NRXN1: variants seen among roughly 807,000 people sequenced by gnomAD.
NRXN1 encodes neurexin 1.
In NRXN1, 39 loss-of-function variants were observed where a neutral mutation model predicts 150.9. The observed-to-expected ratio is 0.26, with a 90% CI of 0.20 to 0.34. The LOEUF is 0.34. Among genes scored for constraint, NRXN1 ranks in the 10% least tolerant of loss-of-function variants. NRXN1 has a pLI of 1.00. For synonymous variants in NRXN1, 924 were observed against 757.0 expected, an observed-to-expected ratio of 1.22 and a Z score of -3.62; for missense variants, 1,815 against 1,949.9, an observed-to-expected ratio of 0.93 and a Z score of 1.30.
chr2:50,305,985 T>C (rs1033284790), intron 17 of NRXN1, among the ~76,000 whole-genome samples: 14 of 152,188 alleles, frequency 9.2e-5, no homozygotes, highest in African/African-American at 3.4e-4. Flanking sequence ...TGCCTCCTGG[T>C]TTTGTTAATT....
intron 5 of NRXN1, among the ~76,000 whole-genome samples, chr2:50,894,314 A>G (rs1020840966): frequency 6.6e-6 from 1 of 150,398 alleles, no homozygotes; most frequent in Non-Finnish European, 1.5e-5. Flanking sequence ...CATGTCTAAA[A>G]CAGTAAAATA....
chr2:49,986,801 C>T (rs1476068444), intron 21 of NRXN1, among the ~76,000 whole-genome samples: 5 of 152,126 alleles, frequency 3.3e-5, no homozygotes, highest in Admixed American at 1.3e-4. Flanking sequence ...TGGTCACTCA[C>T]ACCTATAATT....
chr2:50,231,215 C>G (rs550998723), intron 18 of NRXN1, among the ~76,000 whole-genome samples: 1 of 134,380 alleles, frequency 7.4e-6, no homozygotes, highest in East Asian at 2.1e-4. Context: ...TCAAATGGAA[C>G]ATAATTTCTA....
chr2:50,202,487 C>G (rs1445985756), intron 18 of NRXN1, among the ~76,000 whole-genome samples: 2 of 151,776 alleles, frequency 1.3e-5, no homozygotes, highest in East Asian at 3.9e-4. Context: ...GCCTGGGCAA[C>G]AGAGTGAGAA....
intron 5 of NRXN1, among the ~76,000 whole-genome samples, chr2:50,910,182 C>A (rs1160120793): frequency 6.6e-6 from 1 of 151,932 alleles, no homozygotes; most frequent in Non-Finnish European, 1.5e-5. Context: ...GGATAACTGT[C>A]TTTGACTTTT....
intron 19 of NRXN1, among the ~76,000 whole-genome samples, chr2:50,062,877 C>T (rs1558796716): frequency 6.6e-6 from 1 of 151,986 alleles, no homozygotes; most frequent in East Asian, 1.9e-4. Flanking sequence ...TGCTATGAAC[C>T]AAACATTTGT....
chr2:50,667,409 T>C (rs536172967), intron 5 of NRXN1, among the ~76,000 whole-genome samples: 3 of 152,084 alleles, frequency 2.0e-5, no homozygotes, highest in Admixed American at 2.0e-4. Flanking sequence ...GTTACACATG[T>C]TCACAGAATA....
intron 5 of NRXN1, chr2:50,637,634 A>T (rs922599338): frequency 6.6e-6 from 1 of 152,228 alleles, no homozygotes; most frequent in Admixed American, 6.5e-5. Context: ...CACCACTCAT[A>T]TAATTGAGCT....
chr2:50,787,095 A>G (rs1460246764), intron 5 of NRXN1, among the ~76,000 whole-genome samples: 3 of 152,134 alleles, frequency 2.0e-5, no homozygotes, highest in Non-Finnish European at 4.4e-5. Context: ...TCTCATGATA[A>G]AACTGGAAAG....
At chr2:50,039,904 C>A (rs1310163364) in intron 21 of NRXN1, among the ~76,000 whole-genome samples, 1 of 152,138 alleles carries the variant, frequency 6.6e-6, no homozygotes, top group Non-Finnish European at 1.5e-5. Flanking sequence ...ATCCACTTGA[C>A]CTTGATCCTA....
intron 5 of NRXN1, among the ~76,000 whole-genome samples, chr2:50,727,876 T>C (rs572821382): frequency 2.0e-5 from 3 of 152,134 alleles, no homozygotes; most frequent in Non-Finnish European, 4.4e-5. Flanking sequence ...GAAATCCTCA[T>C]CCTGTTAACA....
chr2:50,419,799 G>C (rs998516608), intron 17 of NRXN1, among the ~76,000 whole-genome samples: 1 of 151,954 alleles, frequency 6.6e-6, no homozygotes, highest in African/African-American at 2.4e-5. Context: ...CCCATTATAT[G>C]CTTTTATGAG....
intron 5 of NRXN1, chr2:50,898,626 A>T (rs753112012): frequency 2.1e-5 from 10 of 468,794 alleles, no homozygotes; most frequent in Non-Finnish European, 4.3e-5. Flanking sequence ...TGAGGTTATC[A>T]TTCAATTGTT....
intron 5 of NRXN1, among the ~76,000 whole-genome samples, chr2:50,729,589 T>A (rs889211646): frequency 6.6e-6 from 1 of 152,118 alleles, no homozygotes; most frequent in African/African-American, 2.4e-5. Context: ...CCAAATGATA[T>A]GAAAAATAAT....
intron 19 of NRXN1, among the ~76,000 whole-genome samples, chr2:50,075,695 A>G (rs904353323): frequency 6.6e-6 from 1 of 152,112 alleles, no homozygotes; most frequent in African/African-American, 2.4e-5. Flanking sequence ...ATGATCTTCT[A>G]ATTATCGAAT....
At chr2:50,201,116 T>G (rs2062131800) in intron 18 of NRXN1, among the ~76,000 whole-genome samples, 1 of 152,160 alleles carries the variant, frequency 6.6e-6, no homozygotes, top group South Asian at 2.1e-4. Context: ...AAACAAATAG[T>G]TATTTGCCTC....
At position 50,971,623 on chromosome 2, in the gene NRXN1, T is replaced by G. The variant is rs866220831; in HGVS notation, c.773-45668A>C. Among the ~76,000 whole-genome samples the G allele has an allele frequency of 5.3e-5, 8 of 151,988 alleles. No homozygotes were observed. The South Asian group carries it at 1.5e-3, about 28-fold the overall frequency. ...AATAAAAAATAAATAAAATAAATTTTAAAAATAAATATTTCAGGAAATACT... is the reference window on the plus strand; with the variant it reads ...AATAAAAAATAAATAAAATAAATTTGAAAAATAAATATTTCAGGAAATACT... On this transcript the variant is annotated intron_variant, in intron 2 of 22. Transcript: ENST00000401669.
chr2:50,541,071 T>C (rs2093378739), intron 9 of NRXN1, among the ~76,000 whole-genome samples: 1 of 152,238 alleles, frequency 6.6e-6, no homozygotes, highest in Non-Finnish European at 1.5e-5. Flanking sequence ...ACGAAATGAA[T>C]ATCCACTATT....
chr2:50,695,340 G>C (rs1416836422), intron 5 of NRXN1, among the ~76,000 whole-genome samples: 1 of 152,144 alleles, frequency 6.6e-6, no homozygotes, highest in Non-Finnish European at 1.5e-5. Flanking sequence ...ATCAAGCTTT[G>C]CTAAATAATT....
Sources: gnomAD v4.1 joint callset for allele counts (sites outside exome capture counted in the v4.1 genomes callset) on GRCh38, gnomAD v4.1.1 for gene constraint, MANE v1.5 for transcripts, NCBI Gene and HGNC (gene_info 2026-07-23, HGNC 2026-07-21) for gene names.